ATP2B1: variants seen among roughly 807,000 people sequenced by gnomAD.
ATP2B1 encodes ATPase plasma membrane Ca2+ transporting 1, also known as plasma membrane calcium-transporting ATPase 1.
A neutral mutation model predicts 124.2 loss-of-function variants in ATP2B1; 14 were observed. The ratio of observed to expected loss-of-function variants is 0.11; its 90% CI spans 0.07 to 0.18. The LOEUF is 0.18. ATP2B1 is among the 10% of genes least tolerant of loss of function. The pLI is 1.00. For missense variants in ATP2B1, 763 were observed against 1,466.1 expected, an observed-to-expected ratio of 0.52 and a Z score of 7.83; for synonymous variants, 449 against 492.4, an observed-to-expected ratio of 0.91 and a Z score of 1.17.
intron 1 of ATP2B1, among the ~76,000 whole-genome samples, chr12:89,693,143 A>AAATGACTG (rs1214012218): frequency 8.5e-5 from 13 of 152,216 alleles, no homozygotes; most frequent in Admixed American, 3.9e-4. Context: ...ACAGACAAGG[A>AAATGACTG]AATGACTGTG....
intron 15 of ATP2B1, among the ~76,000 whole-genome samples, chr12:89,606,253 G>A (rs1485737380): frequency 6.6e-6 from 1 of 152,166 alleles, no homozygotes; most frequent in Non-Finnish European, 1.5e-5. Context: ...CTTCATTAAT[G>A]AAAGTCAGTA....
chr12:89,619,985 C>T lies in ATP2B1; in HGVS notation c.1829+14G>A. On this transcript the variant is annotated intron_variant, in intron 11 of 20. Coordinates refer to ENST00000428670, the MANE Select transcript of ATP2B1 (RefSeq NM_001366521.1). The stretch of plus-strand genomic sequence containing the variant: ...ATAGTCAGCAATTTATTCATCCAAG[C>T]ATTTTACTCTTACTTTTTCAGAATT... The T allele has an allele frequency of 6.2e-7, 1 of 1,612,032 alleles. No homozygotes were observed. Among genetic ancestry groups the T allele is most frequent in the East Asian group, 2.2e-5 (1 of 44,804 alleles).
Position 89,588,777 on chromosome 12 carries a change from C to A in ATP2B1, c.*2207G>T, listed in dbSNP as rs1040705555. ...CTCCAAAGCACATGCACTTCTAAATCTTTTGGTAATTACATTCATATTTAA... is the reference window on the plus strand; with the variant it reads ...CTCCAAAGCACATGCACTTCTAAATATTTTGGTAATTACATTCATATTTAA... On this transcript the variant is annotated 3_prime_UTR_variant, in exon 21 of 21. Transcript: ENST00000428670. The A allele has an allele frequency of 5.9e-5, 9 of 152,594 alleles. No homozygotes were observed. The highest frequency in any genetic ancestry group is 1.9e-4 in the African/African-American group (8 of 41,454). 9.5% of individuals were successfully genotyped at this position (152,594 alleles called of 1,614,324 possible). A position where few individuals can be genotyped will look rare whatever the true frequency, so the allele number is the denominator to read the frequency against.
chr12:89,701,767 G>A (rs556945180), intron 1 of ATP2B1, among the ~76,000 whole-genome samples: 5 of 152,024 alleles, frequency 3.3e-5, no homozygotes, highest in Non-Finnish European at 7.4e-5. Context: ...AGGCAGCCTC[G>A]AACTCCTGGC....
chr12:89,644,779 T>C (rs144977651), intron 2 of ATP2B1, among the ~76,000 whole-genome samples: 4 of 152,288 alleles, frequency 2.6e-5, no homozygotes, highest in African/African-American at 4.8e-5. Flanking sequence ...ATTGCATATA[T>C]ATGACATACC....
intron 1 of ATP2B1, among the ~76,000 whole-genome samples, chr12:89,662,189 CAA>C (rs1363007532): frequency 6.6e-6 from 1 of 150,648 alleles, no homozygotes; most frequent in Non-Finnish European, 1.5e-5. Context: ...CTCAGTCTTC[CAA>C]AAAGACTATG....
At chr12:89,634,638 GCAAGGATTA>G in intron 5 of ATP2B1, 131 bp downstream of exon 5, 1 of 900,550 alleles carries the variant, frequency 1.1e-6, no homozygotes, top group South Asian at 3.2e-5. Flanking sequence ...AAAAAAGTCT[GCAAGGATTA>G]CAACAGTAGA....
chr12:89,707,917 G>C (rs1321092047), intron 1 of ATP2B1, among the ~76,000 whole-genome samples: 4 of 152,224 alleles, frequency 2.6e-5, no homozygotes. Flanking sequence ...CTCAAAAAGG[G>C]AGGTGGGGGC....
At chr12:89,668,130 A>G (rs573527436) in intron 1 of ATP2B1, among the ~76,000 whole-genome samples, 6 of 152,268 alleles carry the variant, frequency 3.9e-5, no homozygotes, top group Admixed American at 3.9e-4. Context: ...GGAAAACAAG[A>G]AGGCAACACA....
intron 1 of ATP2B1, among the ~76,000 whole-genome samples, chr12:89,680,170 A>T (rs1407317563): frequency 6.6e-6 from 1 of 152,182 alleles, no homozygotes; most frequent in Admixed American, 6.5e-5. Context: ...AGAAAACAGA[A>T]AATGCAAATC....
At chr12:89,695,629 A>AATAGAT (rs1891053716) in intron 1 of ATP2B1, among the ~76,000 whole-genome samples, 3 of 152,076 alleles carry the variant, frequency 2.0e-5, no homozygotes, top group East Asian at 3.9e-4. Flanking sequence ...AAACTTCTGA[A>AATAGAT]GTTTTCTCCT....
At chr12:89,693,498 C>G (rs1436382190) in intron 1 of ATP2B1, among the ~76,000 whole-genome samples, 1 of 152,196 alleles carries the variant, frequency 6.6e-6, no homozygotes, top group Non-Finnish European at 1.5e-5. Context: ...AAAAAAATGA[C>G]TAGTTTGGAT....
intron 1 of ATP2B1, among the ~76,000 whole-genome samples, chr12:89,677,971 TACACACACACACACACACAC>T (rs869199593): frequency 1.9e-5 from 1 of 52,308 alleles, no homozygotes; most frequent in Non-Finnish European, 4.0e-5. Flanking sequence ...TATATATATA[TACACACACACACACACACAC>T]ACACACACAC....
intron 1 of ATP2B1, among the ~76,000 whole-genome samples, chr12:89,674,734 T>A (rs780759418): frequency 1.3e-5 from 2 of 152,152 alleles, no homozygotes; most frequent in African/African-American, 2.4e-5. Flanking sequence ...TTCACACAAC[T>A]ATTAAGGGGC....
intron 13 of ATP2B1, 34 bp from the exon 14 acceptor site, chr12:89,610,542 A>G (rs1234437834): frequency 6.5e-7 from 1 of 1,541,140 alleles, no homozygotes; most frequent in Non-Finnish European, 9.0e-7. Context: ...AATATGCCCA[A>G]ACATAGTTTC....
intron 1 of ATP2B1, among the ~76,000 whole-genome samples, chr12:89,700,415 T>G (rs905872203): frequency 6.6e-6 from 1 of 152,186 alleles, no homozygotes; most frequent in African/African-American, 2.4e-5. Context: ...TTAAGTACCT[T>G]AAGTTCATGA....
rs1873184877 is a variant in ATP2B1, at chr12:89,589,569, G to T, written c.*1415C>A. ...CATTGTTGTTATGTTTTTTACCTGT[G>T]AGACTATTTTAGACAAACTAAATTC... is the stretch of plus-strand genomic sequence containing the variant. On this transcript the variant is annotated 3_prime_UTR_variant, in exon 21 of 21. Transcript: ENST00000428670. 1 of 151,982 alleles carries T rather than the reference G, an allele frequency of 6.6e-6. No individual in the cohort carries two copies. Among genetic ancestry groups the T allele is most frequent in the African/African-American group, 2.4e-5 (1 of 41,392 alleles). 9.4% of individuals were successfully genotyped at this position (151,982 alleles called of 1,614,324 possible). A position where few individuals can be genotyped will look rare whatever the true frequency, so the allele number is the denominator to read the frequency against.
intron 20 of ATP2B1, 124 bp from the exon 21 acceptor site, chr12:89,591,419 T>C (rs1025690387): frequency 5.8e-5 from 46 of 796,352 alleles, no homozygotes; most frequent in Admixed American, 4.0e-4. Context: ...TGTAATGCAG[T>C]GGAACTTGCA....
intron 1 of ATP2B1, among the ~76,000 whole-genome samples, chr12:89,705,713 G>C (rs1356091352): frequency 6.6e-6 from 1 of 152,084 alleles, no homozygotes; most frequent in Non-Finnish European, 1.5e-5. Flanking sequence ...CAATCTAATA[G>C]CTCAAATAAT....
Sources: gnomAD v4.1 joint callset for allele counts (sites outside exome capture counted in the v4.1 genomes callset) on GRCh38, gnomAD v4.1.1 for gene constraint, MANE v1.5 for transcripts, NCBI Gene and HGNC (gene_info 2026-07-23, HGNC 2026-07-21) for gene names.